ZNF710: variants seen among roughly 807,000 people sequenced by gnomAD.
ZNF710 encodes the protein zinc finger protein 710.
Under a neutral mutation model 50.6 loss-of-function variants are expected in ZNF710, and 13 were observed. The ratio of observed to expected loss-of-function variants is 0.26; its 90% CI spans 0.17 to 0.41. ZNF710 has a LOEUF of 0.41. ZNF710 is among the 10% of genes least tolerant of loss of function. ZNF710 has a pLI of 1.00. For missense variants in ZNF710, 721 were observed against 936.6 expected (o/e 0.77, Z 3.01); for synonymous variants, 383 against 397.0 (o/e 0.96, Z 0.42).
At chr15:90,037,019 G>GGGTCAGGCTGGAGATGGGA (rs1899149270) in intron 1 of ZNF710, among the ~76,000 whole-genome samples, 2 of 152,278 alleles carry the variant, frequency 1.3e-5, no homozygotes, top group East Asian at 3.9e-4. Flanking sequence ...GCCAGCTCCA[G>GGGTCAGGCTGGAGATGGGA]GGTCAGGCTG....
intron 1 of ZNF710, chr15:90,045,346 G>C: frequency 1.0e-6 from 1 of 985,436 alleles, no homozygotes; most frequent in Non-Finnish European, 1.2e-6. Context: ...ATGGCGGATG[G>C]CTTCAAGGAC....
At chr15:90,049,142 A>C (rs1375929602) in intron 1 of ZNF710, among the ~76,000 whole-genome samples, 1 of 152,266 alleles carries the variant, frequency 6.6e-6, no homozygotes, top group Non-Finnish European at 1.5e-5. Context: ...ACCATTTATC[A>C]GAAGCCAGCC....
chr15:90,000,310 G>A (rs1363476160), upstream of ZNF710, among the ~76,000 whole-genome samples: 1 of 152,222 alleles, frequency 6.6e-6, no homozygotes, highest in South Asian at 2.1e-4. Flanking sequence ...TCGAGAAACG[G>A]CTCGGAGTGG....
intron 3 of ZNF710, 125 bp downstream of exon 3, chr15:90,073,387 G>C: frequency 1.8e-6 from 2 of 1,124,912 alleles, no homozygotes; most frequent in Non-Finnish European, 1.3e-6. Flanking sequence ...GCCCCGGCTG[G>C]GTGAAACTTA....
At chr15:90,019,877 G>A (rs1158622916) in intron 1 of ZNF710, among the ~76,000 whole-genome samples, 2 of 152,174 alleles carry the variant, frequency 1.3e-5, no homozygotes, top group Non-Finnish European at 2.9e-5. Context: ...AGAGAACTTA[G>A]GCTGGTCTTT....
chr15:90,021,256 G>A (rs1898613629), intron 1 of ZNF710, among the ~76,000 whole-genome samples: 1 of 152,204 alleles, frequency 6.6e-6, no homozygotes, highest in African/African-American at 2.4e-5. Context: ...CGCTGAAGCG[G>A]CTCAGAGGCA....
intron 1 of ZNF710, among the ~76,000 whole-genome samples, chr15:90,003,514 T>C (rs1041342874): frequency 2.6e-5 from 4 of 151,976 alleles, no homozygotes; most frequent in African/African-American, 9.7e-5. Context: ...GGGCTGGGGG[T>C]CTGTGTCCCT....
chr15:90,014,888 G>T (rs1898408488), intron 1 of ZNF710, among the ~76,000 whole-genome samples: 2 of 145,494 alleles, frequency 1.4e-5, no homozygotes, highest in Non-Finnish European at 1.5e-5. Flanking sequence ...ACCATCAACT[G>T]AATTTTTTTT....
chr15:90,067,843 TC>T lies in ZNF710; in HGVS notation c.710del (p.Pro237ArgfsTer75). On this transcript the variant is annotated frameshift_variant, in exon 2 of 5. Coordinates refer to ENST00000268154, the MANE Select transcript of ZNF710 (RefSeq NM_198526.4). LOFTEE classifies it high-confidence loss of function. This position sits in a 1 kb window ranked among gnomAD's most constrained non-coding sequence, Gnocchi z 8.1. ...TGACCCCGAGGCCCCCAGCATGGAG[TC>T]CCCGGAGCCTGTCAAGCCGGAACAG... is the stretch of plus-strand genomic sequence containing the variant. ...LSDPEAPSMESPEPVKPEQGF... is the reference protein window; with the variant it reads ...LSDPEAPSMEXPEPVKPEQGF... 1.3e-6 allele frequency: 2 copies of T among 1,592,748 alleles called. No homozygotes were observed. The highest frequency in any genetic ancestry group is 1.7e-5 in the Admixed American group (1 of 58,990).
intron 3 of ZNF710, 102 bp from the exon 4 acceptor site, chr15:90,074,014 A>AAAAG: frequency 7.6e-7 from 1 of 1,324,074 alleles, no homozygotes; most frequent in African/African-American, 1.6e-5. Flanking sequence ...AAAAAAAAAC[A>AAAAG]AAAGAATAGG....
intron 1 of ZNF710, among the ~76,000 whole-genome samples, chr15:90,047,280 A>C (rs1243224957): frequency 6.6e-6 from 1 of 152,208 alleles, no homozygotes; most frequent in African/African-American, 2.4e-5. Flanking sequence ...GCTGAGTGCT[A>C]ATAATAGCAG....
chr15:90,047,619 T>C (rs1899507761), intron 1 of ZNF710, among the ~76,000 whole-genome samples: 1 of 149,464 alleles, frequency 6.7e-6, no homozygotes, highest in Non-Finnish European at 1.5e-5. Flanking sequence ...AGAGTCTTGC[T>C]CTGTCGCCAG....
At chr15:90,078,216 A>AAC (rs1900640552) in intron 4 of ZNF710, among the ~76,000 whole-genome samples, 1 of 123,378 alleles carries the variant, frequency 8.1e-6, no homozygotes, top group South Asian at 2.9e-4. Context: ...GGTCTCAAAA[A>AAC]AAAAAAAAAA....
intron 1 of ZNF710, among the ~76,000 whole-genome samples, chr15:90,014,131 G>A (rs148731650): frequency 2.6e-5 from 4 of 151,814 alleles, no homozygotes; most frequent in African/African-American, 4.8e-5. Flanking sequence ...GACAAAGCCA[G>A]TTTACCTCTT....
intron 1 of ZNF710, among the ~76,000 whole-genome samples, chr15:90,009,207 T>A (rs1408725054): frequency 6.6e-6 from 1 of 151,844 alleles, no homozygotes; most frequent in African/African-American, 2.4e-5. Flanking sequence ...CTGTCCTGCA[T>A]GTGTTTGGTA....
chr15:90,019,002 T>TG (rs952188765), intron 1 of ZNF710, among the ~76,000 whole-genome samples: 2 of 151,442 alleles, frequency 1.3e-5, no homozygotes, highest in Non-Finnish European at 2.9e-5. Flanking sequence ...TTTTATTGAT[T>TG]TTTTTTTCTT....
chr15:90,063,611 A>C (rs1457381079), intron 1 of ZNF710, among the ~76,000 whole-genome samples: 1 of 152,116 alleles, frequency 6.6e-6, no homozygotes, highest in Non-Finnish European at 1.5e-5. Context: ...CTACCTGTTC[A>C]TATGGGAAGG....
chr15:90,065,352 G>A (rs1015987639), intron 1 of ZNF710, among the ~76,000 whole-genome samples: 11 of 152,210 alleles, frequency 7.2e-5, no homozygotes, highest in Non-Finnish European at 1.3e-4. Context: ...AGCAAAGCAG[G>A]CGAGAGTCGC....
chr15:90,074,924 C>A (rs746811741), intron 4 of ZNF710: 23 of 220,380 alleles, frequency 1.0e-4, no homozygotes, highest in Middle Eastern at 1.8e-3. Flanking sequence ...CTGCCAGAGA[C>A]TATAACCCAC....
Sources: allele counts gnomAD v4.1 joint callset (sites outside exome capture counted in the v4.1 genomes callset), GRCh38; gene constraint gnomAD v4.1.1; non-coding constraint Gnocchi (gnomAD v3.1); transcripts MANE v1.5; gene names NCBI Gene and HGNC (gene_info 2026-07-23, HGNC 2026-07-21).